ABCF3: variants seen among roughly 807,000 people sequenced by gnomAD.
ABCF3 encodes the protein ATP binding cassette subfamily F member 3.
In ABCF3, 62 loss-of-function variants were observed where a neutral mutation model predicts 94.3. That is an observed-to-expected ratio of 0.66 (90% confidence interval 0.54 to 0.81). The LOEUF is 0.81. ABCF3 is among the 40% of genes least tolerant of loss of function. The pLI, the probability that ABCF3 is intolerant of heterozygous loss-of-function variation, is 0.00. For missense variants in ABCF3, 843 were observed against 925.3 expected (o/e 0.91, Z 1.15); for synonymous variants, 355 against 361.1 (o/e 0.98, Z 0.19).
In ABCF3 at chr3:184,191,214, C is replaced by A. The variant is rs61750939; in HGVS notation, c.1528C>A (p.Arg510Ser). ...YYDPKHVIFSRLSVSADLESR... is the reference protein window; with the variant it reads ...YYDPKHVIFSSLSVSADLESR... ...CGATCCGAAGCACGTCATCTTCAGT[C>A]GCCTCTCTGTGTCTGCTGATCTCGA... The change falls in exon 16 of 21, where the codon CGC becomes AGC. Residue 510 changes from arginine to serine, a missense_variant. By Grantham distance (110) the Arg-to-Ser change is moderately radical. Transcript: ENST00000429586. 4.3e-6 allele frequency: 7 copies of A among 1,614,156 alleles called. No individual in the cohort carries two copies. The highest frequency in any genetic ancestry group is 1.7e-6 in the Non-Finnish European group (2 of 1,180,040).
Position 184,193,523 on chromosome 3 carries a change from G to T in ABCF3, c.1972-17G>T. On this transcript the variant is annotated splice_polypyrimidine_tract_variant and intron_variant, in intron 20 of 20. Transcript: ENST00000429586. The surrounding 1 kb of genome is among the most constrained non-coding windows in gnomAD (Gnocchi z 5.2). ...TCTTGTGTCCCCCTGAGCACCTCCT[G>T]CCCTCCTGTCTTTCAGGGTGGTGTG... 6.2e-7 allele frequency: 1 copy of T among 1,614,078 alleles called. No individual in the cohort carries two copies. Among genetic ancestry groups the T allele is most frequent in the Non-Finnish European group, 8.5e-7 (1 of 1,179,986 alleles).
chr3:184,187,593 G>A lies in ABCF3; in HGVS notation c.349-71G>A, dbSNP rs902504822. The A allele has an allele frequency of 2.8e-5, 45 of 1,579,976 alleles. 1 individual carries two copies. Among genetic ancestry groups the A allele is most frequent in the Non-Finnish European group, 3.2e-5 (37 of 1,149,494 alleles). ...ATGGGTAAGTTAAGAGGGTTTACTC[G>A]AGATGTTCTCTCTTGGGGTTCCTTT... On this transcript the variant is annotated intron_variant, in intron 4 of 20. Coordinates refer to ENST00000429586, the MANE Select transcript of ABCF3 (RefSeq NM_018358.3).
In ABCF3 at chr3:184,189,939, C is replaced by T. The variant is rs777408594; in HGVS notation, c.1391+8C>T. On this transcript the variant is annotated splice_region_variant and intron_variant, in intron 14 of 20. Transcript: ENST00000429586. ...CAAGATGCTGGAGAAGCTGTGAGTA[C>T]AGCATCCTTGGCCAGGGCCTGACTC... The T allele has an allele frequency of 1.2e-6, 2 of 1,613,978 alleles. No homozygotes were observed. Among genetic ancestry groups the T allele is most frequent in the South Asian group, 2.2e-5 (2 of 91,090 alleles).
chr3:184,192,712 C>A, intron 17 of ABCF3, 23 bp downstream of exon 17: 2 of 1,609,108 alleles, frequency 1.2e-6, no homozygotes, highest in East Asian at 2.2e-5. Context: ...CGCACCCCTG[C>A]CCCCATGAGC....
chr3:184,193,023 G>C lies in ABCF3; in HGVS notation c.1751-79G>C. ...CGCCAAGCCTAGATGGAAGGACATG[G>C]GGACTTGGAGGTGTGGCTGGAGGGC... On this transcript the variant is annotated intron_variant, in intron 18 of 20. Coordinates refer to ENST00000429586, the MANE Select transcript of ABCF3 (RefSeq NM_018358.3). This position sits in a 1 kb window ranked among gnomAD's most constrained non-coding sequence, Gnocchi z 5.2. 6.5e-7 allele frequency: 1 copy of C among 1,548,212 alleles called. No individual in the cohort carries two copies. The highest frequency in any genetic ancestry group is 8.7e-7 in the Non-Finnish European group (1 of 1,145,708).
At position 184,193,980 on chromosome 3, in the gene ABCF3, A is replaced by G. The variant is rs2109048359; in HGVS notation, c.*282A>G. The G allele has an allele frequency of 2.5e-6, 1 of 395,676 alleles. No homozygotes were observed. The highest frequency in any genetic ancestry group is 4.6e-5 in the South Asian group (1 of 21,806). 24.5% of individuals were successfully genotyped at this position (395,676 alleles called of 1,614,324 possible). ...TCTGACTGGACCCCAAGTGGCTGCT[A>G]TGTAAATTAAATCTCTCCCCGCGTC... On this transcript the variant is annotated 3_prime_UTR_variant, in exon 21 of 21. Coordinates refer to ENST00000429586, the MANE Select transcript of ABCF3 (RefSeq NM_018358.3). The surrounding 1 kb of genome is among the most constrained non-coding windows in gnomAD (Gnocchi z 5.2).
chr3:184,193,664 T>A lies in ABCF3; in HGVS notation c.2096T>A (p.Leu699His). The A allele has an allele frequency of 6.2e-7, 1 of 1,613,890 alleles. No homozygotes were observed. The highest frequency in any genetic ancestry group is 8.5e-7 in the Non-Finnish European group (1 of 1,179,876). ...GGATTTGACCAGTACCGCGCCCTCCTCCAGGAACAGTTCCGCCGCGAAGGC... is the reference window on the plus strand; with the variant it reads ...GGATTTGACCAGTACCGCGCCCTCCACCAGGAACAGTTCCGCCGCGAAGGC... ...EGGFDQYRAL[L>H]QEQFRREGFL Residue 699 changes from leucine (L) to histidine (H), a missense_variant, in exon 21 of 21, where the codon CTC (leucine) becomes CAC (histidine). By Grantham distance (99) the Leu-to-His change is moderately conservative. Transcript: ENST00000429586. The surrounding 1 kb of genome is among the most constrained non-coding windows in gnomAD (Gnocchi z 5.2).
In ABCF3 at chr3:184,186,255, C is replaced by T. The variant is rs756620689; in HGVS notation, c.48C>T (p.Asp16=). 6.2e-6 allele frequency: 10 copies of T among 1,614,248 alleles called. No homozygotes were observed. Among genetic ancestry groups the T allele is most frequent in the Admixed American group, 1.7e-5 (1 of 60,036 alleles). The change falls in exon 1 of 21, where the codon GAC becomes GAT. Residue 16 remains aspartate, a synonymous_variant. Coordinates refer to ENST00000429586, the MANE Select transcript of ABCF3 (RefSeq NM_018358.3). ...TGCGGAGCGAGTTCCCCGAAATTGA[C>T]GGACAAGTCTTCGACTACGTGACCG... The part of the protein sequence containing the change: ...EILRSEFPEI[D]GQVFDYVTGV...
At position 184,191,190 on chromosome 3, in the gene ABCF3, G is replaced by A. The variant is rs75824087; in HGVS notation, c.1504G>A (p.Asp502Asn). ...LQLDEVDFYY[D>N]PKHVIFSRLS... The stretch of plus-strand genomic sequence containing the variant: ...GCTAGATGAGGTGGATTTCTACTAC[G>A]ATCCGAAGCACGTCATCTTCAGTCG... The change falls in exon 16 of 21, where the codon GAT becomes AAT. Residue 502 changes from aspartate to asparagine, a missense_variant. Physicochemically the swap from Asp to Asn is conservative, Grantham distance 23. Coordinates refer to ENST00000429586, the MANE Select transcript of ABCF3 (RefSeq NM_018358.3). 18 of 1,614,038 alleles carry A rather than the reference G, an allele frequency of 1.1e-5. 1 individual carries two copies. The highest frequency in any genetic ancestry group is 5.5e-5 in the South Asian group (5 of 91,086).
At position 184,188,360 on chromosome 3, in the gene ABCF3, T is replaced by C. The variant is rs773978386; in HGVS notation, c.789T>C (p.Asp263=). Residue 263 remains aspartate, a synonymous_variant, in exon 7 of 21, where the codon GAT becomes GAC. Transcript: ENST00000429586. ...SVLESDSVRE[D]LLRRERELTA... is the part of the protein sequence containing the mutation. ...TGGAGAGTGACAGTGTGCGAGAGGA[T>C]TTGCTACGGAGGGAGCGGGAGCTCA... 5.6e-6 allele frequency: 9 copies of C among 1,613,590 alleles called. No homozygotes were observed. In the Admixed American group the frequency reaches 1.5e-4, roughly 27 times the overall value.
chr3:184,191,295 C>A, intron 16 of ABCF3, 40 bp downstream of exon 16: 7 of 1,611,344 alleles, frequency 4.3e-6, no homozygotes, highest in South Asian at 1.1e-5. Flanking sequence ...CTGGGACTCT[C>A]CTGTCTAAGT....
At chr3:184,189,039 T>A in intron 9 of ABCF3, 49 bp from the exon 10 acceptor site, 1 of 1,614,192 alleles carries the variant, frequency 6.2e-7, no homozygotes, top group Non-Finnish European at 8.5e-7. Context: ...CTCAGCCCCT[T>A]CCTGCCCTGA....
chr3:184,192,786 C>G lies in ABCF3; in HGVS notation c.1659-19C>G. 6.2e-7 allele frequency: 1 copy of G among 1,613,672 alleles called. No individual in the cohort carries two copies. Among genetic ancestry groups the G allele is most frequent in the Non-Finnish European group, 8.5e-7 (1 of 1,179,616 alleles). On this transcript the variant is annotated intron_variant, in intron 17 of 20. Coordinates refer to ENST00000429586, the MANE Select transcript of ABCF3 (RefSeq NM_018358.3). Reference sequence around the variant, plus strand: ...GCCATTGCCTTTGTCTGTTTTTCCACCTCGGCTTCTGCCTGCAGGAATCTG... The same window carrying G: ...GCCATTGCCTTTGTCTGTTTTTCCAGCTCGGCTTCTGCCTGCAGGAATCTG...
chr3:184,186,478 C>A (rs1490261510), intron 1 of ABCF3, 29 bp from the exon 2 acceptor site: 1 of 1,596,766 alleles, frequency 6.3e-7, no homozygotes, highest in Non-Finnish European at 8.5e-7. Flanking sequence ...CTACCCGATA[C>A]CTTCCTCGTT....
At position 184,189,849 on chromosome 3, in the gene ABCF3, C is replaced by A; in HGVS notation, c.1315-6C>A. The A allele has an allele frequency of 6.2e-7, 1 of 1,614,220 alleles. No individual in the cohort carries two copies. The highest frequency in any genetic ancestry group is 8.5e-7 in the Non-Finnish European group (1 of 1,180,044). ...TTGACCAATGCCTACACTCCTCCACCTGCAGGTTTTCATTGACCGGTTTCG... is the reference window on the plus strand; with the variant it reads ...TTGACCAATGCCTACACTCCTCCACATGCAGGTTTTCATTGACCGGTTTCG... On this transcript the variant is annotated splice_polypyrimidine_tract_variant and splice_region_variant and intron_variant, in intron 13 of 20. Coordinates refer to ENST00000429586, the MANE Select transcript of ABCF3 (RefSeq NM_018358.3).
At chr3:184,190,009 T>C (rs1715916704) in intron 14 of ABCF3, 78 bp downstream of exon 14, 1 of 1,500,918 alleles carries the variant, frequency 6.7e-7, no homozygotes, top group Non-Finnish European at 9.2e-7. Context: ...ACCCTTGCCC[T>C]ACCATTCTAG....
intron 16 of ABCF3, 43 bp downstream of exon 16, chr3:184,191,298 G>C: frequency 6.2e-7 from 1 of 1,610,654 alleles, no homozygotes; most frequent in Admixed American, 1.7e-5. Context: ...GGACTCTCCT[G>C]TCTAAGTGTG....
Position 184,191,749 on chromosome 3 carries a change from C to CTTTTTTTTTTTTTTTTTTTTT in ABCF3, c.1569+508_1569+509insTTTTTTTTTTTTTTTTTTTTT, listed in dbSNP as rs375009324. ...GCATTTTTCTGTAGAGTTAGAGTTC[C>CTTTTTTTTTTTTTTTTTTTTT]TTTTTTTTTTTTTTCGGAGACAGAG... On this transcript the variant is annotated intron_variant, in intron 16 of 20. Coordinates refer to ENST00000429586, the MANE Select transcript of ABCF3 (RefSeq NM_018358.3). 2.6e-4 allele frequency among the ~76,000 whole-genome samples: 30 copies of CTTTTTTTTTTTTTTTTTTTTT among 114,708 alleles called. 4 individuals carry two copies. Among genetic ancestry groups the CTTTTTTTTTTTTTTTTTTTTT allele is most frequent in the African/African-American group, 4.8e-4 (13 of 27,316 alleles). 75.3% of individuals were successfully genotyped at this position (114,708 alleles called of 152,430 possible).
intron 7 of ABCF3, 158 bp from the exon 8 acceptor site, chr3:184,188,603 C>G (rs1715803478): frequency 8.0e-6 from 8 of 1,004,332 alleles, no homozygotes; most frequent in African/African-American, 6.5e-5. Context: ...GTGCCCATTT[C>G]CATAGTGCCC....
Sources: gnomAD v4.1 joint callset for allele counts (sites outside exome capture counted in the v4.1 genomes callset) on GRCh38, gnomAD v4.1.1 for gene constraint, Gnocchi (gnomAD v3.1) non-coding constraint, MANE v1.5 for transcripts, NCBI Gene and HGNC (gene_info 2026-07-23, HGNC 2026-07-21) for gene names.